Variants in MDGA2 observed in about 807,000 individuals in gnomAD.
MDGA2 encodes the protein MAM domain containing glycosylphosphatidylinositol anchor 2, also known as MAM domain-containing glycosylphosphatidylinositol anchor protein 2.
A neutral mutation model predicts 117.8 loss-of-function variants in MDGA2; 40 were observed. The observed-to-expected ratio is 0.34, with a 90% CI of 0.26 to 0.44. The LOEUF is 0.44. MDGA2 is among the 20% of genes least tolerant of loss of function. MDGA2 has a pLI of 1.00. For missense variants in MDGA2, 1,123 were observed against 1,250.6 expected, an observed-to-expected ratio of 0.90 and a Z score of 1.54; for synonymous variants, 452 against 439.0, an observed-to-expected ratio of 1.03 and a Z score of -0.37.
chr14:47,412,918 A>G (rs1892402660), intron 1 of MDGA2, among the ~76,000 whole-genome samples: 1 of 152,226 alleles, frequency 6.6e-6, no homozygotes, highest in Non-Finnish European at 1.5e-5. Flanking sequence ...AAGGCTGAAT[A>G]TATTACAAAT....
intron 3 of MDGA2, among the ~76,000 whole-genome samples, chr14:47,157,820 C>A (rs924830304): frequency 1.3e-5 from 2 of 152,082 alleles, no homozygotes; most frequent in African/African-American, 2.4e-5. Flanking sequence ...GGGCTCCCCC[C>A]CTCACTCAGC....
intron 3 of MDGA2, among the ~76,000 whole-genome samples, chr14:47,199,056 T>G (rs558320310): frequency 1.3e-5 from 2 of 152,060 alleles, no homozygotes; most frequent in African/African-American, 4.8e-5. Context: ...CTTTGTGAAG[T>G]TAGGATTCAA....
chr14:47,578,446 T>G (rs918552937), intron 1 of MDGA2, among the ~76,000 whole-genome samples: 1 of 152,052 alleles, frequency 6.6e-6, no homozygotes, highest in African/African-American at 2.4e-5. Flanking sequence ...ATAAACTGCT[T>G]GAGCAAAATG....
At chr14:47,307,325 G>T (rs1421965091) in intron 1 of MDGA2, among the ~76,000 whole-genome samples, 1 of 152,018 alleles carries the variant, frequency 6.6e-6, no homozygotes, top group East Asian at 1.9e-4. Context: ...TCCTGTTGTT[G>T]ACAACTCCAT....
At chr14:47,654,151 A>T (rs1315911815) in intron 1 of MDGA2, among the ~76,000 whole-genome samples, 1 of 152,206 alleles carries the variant, frequency 6.6e-6, no homozygotes, top group African/African-American at 2.4e-5. Context: ...AGGTTCAGGT[A>T]CAGAACTTAA....
chr14:46,842,046 CAAAA>C, intron 16 of MDGA2, 27 bp from the exon 17 acceptor site: 1 of 1,526,382 alleles, frequency 6.6e-7, no homozygotes, highest in Non-Finnish European at 9.0e-7. Context: ...TAAATGCAAA[CAAAA>C]AAAGAAGAAT....
intron 7 of MDGA2, among the ~76,000 whole-genome samples, chr14:47,060,052 C>T (rs1889825918): frequency 6.6e-6 from 1 of 152,078 alleles, no homozygotes; most frequent in Non-Finnish European, 1.5e-5. Context: ...AATAATCCAT[C>T]TCTTAGCGCT....
rs146057848 is a variant in MDGA2 at position 47,325,812 on chromosome 14, T to A, written c.281-24262A>T. On this transcript the variant is annotated intron_variant, in intron 1 of 16. Transcript: ENST00000399232. Reference sequence around the variant, plus strand: ...ACGAGCAAGAGCTTTGAATTGTAGATTATTCTGGAAATACCAGAGAGCCAT... The same window carrying A: ...ACGAGCAAGAGCTTTGAATTGTAGAATATTCTGGAAATACCAGAGAGCCAT... Among the ~76,000 whole-genome samples, 824 of 152,224 alleles carry A rather than the reference T, an allele frequency of 5.4e-3. 8 individuals are homozygous for A. The highest frequency in any genetic ancestry group is 7.5e-3 in the Non-Finnish European group (508 of 68,010).
At chr14:47,256,179 A>G (rs1294431267) in intron 2 of MDGA2, among the ~76,000 whole-genome samples, 28 of 150,068 alleles carry the variant, frequency 1.9e-4, no homozygotes, top group Admixed American at 1.9e-3. Context: ...AACCTATAAT[A>G]CCTTCCTTTA....
chr14:46,969,258 T>C (rs942759803), intron 8 of MDGA2, among the ~76,000 whole-genome samples: 37 of 152,224 alleles, frequency 2.4e-4, no homozygotes, highest in Non-Finnish European at 1.3e-4. Flanking sequence ...CCTTTGGCTA[T>C]ATACCCAGTA....
chr14:47,480,093 C>T (rs775300245), intron 1 of MDGA2, among the ~76,000 whole-genome samples: 94 of 151,910 alleles, frequency 6.2e-4, no homozygotes, highest in South Asian at 1.2e-3. Context: ...ATCAATGTTT[C>T]GATTATTTAG....
intron 1 of MDGA2, among the ~76,000 whole-genome samples, chr14:47,491,333 T>C (rs1320635900): frequency 6.6e-6 from 1 of 151,910 alleles, no homozygotes; most frequent in Non-Finnish European, 1.5e-5. Flanking sequence ...TCTCTGAAGG[T>C]CTTAGGAGTA....
rs544114092 is a variant in MDGA2 at position 47,423,974 on chromosome 14, G to A, written c.281-122424C>T. 2.6e-5 allele frequency among the ~76,000 whole-genome samples: 4 copies of A among 151,894 alleles called. No homozygotes were observed. In the South Asian group the frequency reaches 8.3e-4, roughly 32 times the overall value. On this transcript the variant is annotated intron_variant, in intron 1 of 16. Transcript: ENST00000399232. The stretch of plus-strand genomic sequence containing the variant: ...ATTACAGGCGTGAGCCACCATACCT[G>A]GCTAATTTTTGTATTTTTAGTGGAA...
chr14:47,436,452 C>T (rs1336078560), intron 1 of MDGA2, among the ~76,000 whole-genome samples: 1 of 151,938 alleles, frequency 6.6e-6, no homozygotes, highest in South Asian at 2.1e-4. Flanking sequence ...AAGGGGACCC[C>T]AACTGGAGTT....
chr14:46,904,665 A>AT, intron 10 of MDGA2, among the ~76,000 whole-genome samples: 1 of 152,306 alleles, frequency 6.6e-6, no homozygotes, highest in East Asian at 1.9e-4. Flanking sequence ...TTTATCAAAC[A>AT]TTTTTATGTC....
intron 1 of MDGA2, among the ~76,000 whole-genome samples, chr14:47,445,817 A>G (rs1893110485): frequency 6.6e-6 from 1 of 152,208 alleles, no homozygotes; most frequent in Non-Finnish European, 1.5e-5. Flanking sequence ...GTCCCTTTGT[A>G]AATTGTCTGG....
At chr14:47,060,021 GT>G (rs1382943324) in intron 7 of MDGA2, among the ~76,000 whole-genome samples, 1 of 152,046 alleles carries the variant, frequency 6.6e-6, no homozygotes, top group African/African-American at 2.4e-5. Flanking sequence ...TGTATCAACA[GT>G]TTTCCCTCAG....
intron 3 of MDGA2, among the ~76,000 whole-genome samples, chr14:47,174,026 C>T (rs1884314263): frequency 6.6e-6 from 1 of 151,834 alleles, no homozygotes; most frequent in African/African-American, 2.4e-5. Context: ...GACTTTAAAC[C>T]AACAAAGATC....
intron 1 of MDGA2, among the ~76,000 whole-genome samples, chr14:47,392,725 T>C (rs1264804909): frequency 6.6e-6 from 1 of 151,978 alleles, no homozygotes; most frequent in Non-Finnish European, 1.5e-5. Flanking sequence ...CACTTACACT[T>C]GCTGTCCAGA....
Sources: gnomAD v4.1 joint callset for allele counts (sites outside exome capture counted in the v4.1 genomes callset) on GRCh38, gnomAD v4.1.1 for gene constraint, MANE v1.5 for transcripts, NCBI Gene and HGNC (gene_info 2026-07-23, HGNC 2026-07-21) for gene names.